Variants in SPATA7 observed in about 807,000 individuals in gnomAD.
The protein encoded by SPATA7 is spermatogenesis-associated protein 7.
In SPATA7, 43 loss-of-function variants were observed where a neutral mutation model predicts 51.8. The observed-to-expected ratio is 0.83, with a 90% CI of 0.65 to 1.07. SPATA7 has a LOEUF of 1.07. SPATA7 is among the 50% of genes least tolerant of loss of function. The pLI is 0.00. For missense variants in SPATA7, 683 were observed against 701.3 expected (o/e 0.97, Z 0.30); for synonymous variants, 230 against 252.8 (o/e 0.91, Z 0.86).
chr14:88,442,228 C>T (rs1195150755), downstream of SPATA7, among the ~76,000 whole-genome samples: 1 of 152,014 alleles, frequency 6.6e-6, no homozygotes, highest in Non-Finnish European at 1.5e-5. Flanking sequence ...CTCACTCTGT[C>T]ACCCAGGCTG....
At chr14:88,421,325 G>A (rs1399465581) in intron 5 of SPATA7, among the ~76,000 whole-genome samples, 1 of 152,058 alleles carries the variant, frequency 6.6e-6, no homozygotes, top group Non-Finnish European at 1.5e-5. Flanking sequence ...TCTCAAGCAT[G>A]ATCTCTTAAG....
rs765880331 is a variant in SPATA7 at position 88,469,079 on chromosome 14, G to A, written c.255-768G>A. 6.2e-7 allele frequency: 1 copy of A among 1,604,076 alleles called. No homozygotes were observed. The highest frequency in any genetic ancestry group is 1.7e-5 in the Admixed American group (1 of 59,214). ...AGACTGGATCTCTTCAAGATATGCT[G>A]TGGAAAATCAATGAAATAGAAAAGT... On this transcript the variant is annotated intron_variant, in intron 4 of 4. Transcript: ENST00000556406. This position sits in a 1 kb window ranked among gnomAD's most constrained non-coding sequence, Gnocchi z 4.3.
chr14:88,419,627 C>T (rs929338308), intron 5 of SPATA7, among the ~76,000 whole-genome samples: 2 of 151,040 alleles, frequency 1.3e-5, no homozygotes, highest in African/African-American at 2.4e-5. Context: ...CCCGGGTTCA[C>T]GCCATTCTCC....
At chr14:88,433,827 A>G (rs146532071) in intron 10 of SPATA7, among the ~76,000 whole-genome samples, 278 of 152,320 alleles carry the variant, frequency 1.8e-3, no homozygotes, top group African/African-American at 6.7e-3. Flanking sequence ...TATGCCAAGC[A>G]TAGACATTTT....
chr14:88,429,330 T>A lies in SPATA7; in HGVS notation c.913-18T>A. ...TATTTTTAAGCAAAAATAAATATTT[T>A]TTTTATTGCATCCCCAGGCATCTAA... On this transcript the variant is annotated intron_variant, in intron 7 of 11. Coordinates refer to ENST00000393545, the MANE Select transcript of SPATA7 (RefSeq NM_018418.5). 1 of 1,483,954 alleles carries A rather than the reference T, an allele frequency of 6.7e-7. No individual in the cohort carries two copies. The highest frequency in any genetic ancestry group is 9.4e-7 in the Non-Finnish European group (1 of 1,062,554). The allele number at this position is 1,483,954 out of a possible 1,614,324, so 91.9% of individuals were successfully genotyped here.
chr14:88,461,538 G>A (rs909421676), intron 4 of SPATA7, among the ~76,000 whole-genome samples: 6 of 152,176 alleles, frequency 3.9e-5, no homozygotes, highest in East Asian at 1.9e-4. Flanking sequence ...CTGGTGTGCC[G>A]TTTGCTAAGA....
At chr14:88,407,323 A>T (rs565603404) in intron 4 of SPATA7, among the ~76,000 whole-genome samples, 43 of 152,204 alleles carry the variant, frequency 2.8e-4, no homozygotes, top group Non-Finnish European at 5.4e-4. Flanking sequence ...CTGGCATGAG[A>T]TGGTATCTCA....
At chr14:88,450,202 G>A (rs987070859) in intron 3 of SPATA7, among the ~76,000 whole-genome samples, 2 of 151,846 alleles carry the variant, frequency 1.3e-5, no homozygotes, top group African/African-American at 2.4e-5. Flanking sequence ...GTGTCAGGTG[G>A]GTCTCTTGAA....
chr14:88,436,592 A>AT (rs1425975275), intron 10 of SPATA7, among the ~76,000 whole-genome samples: 1 of 152,000 alleles, frequency 6.6e-6, no homozygotes, highest in African/African-American at 2.4e-5. Context: ...TTTTGATTTG[A>AT]TTTTTGTATG....
At chr14:88,465,563 C>T (rs1033059080) in intron 4 of SPATA7, among the ~76,000 whole-genome samples, 52 of 152,182 alleles carry the variant, frequency 3.4e-4, no homozygotes, top group African/African-American at 1.2e-3. Context: ...AAAACTGATA[C>T]CAGAGATACC....
In SPATA7 at chr14:88,401,964, C is replaced by G. The variant is rs570033576; in HGVS notation, c.238+5761C>G. ...ATAAATTCAATATAGTTTTAGGATA[C>G]AAAATTAATGTACAAAAACCAGTGG... On this transcript the variant is annotated intron_variant, in intron 4 of 11. Coordinates refer to ENST00000393545, the MANE Select transcript of SPATA7 (RefSeq NM_018418.5). Among the ~76,000 whole-genome samples, 339 of 147,656 alleles carry G rather than the reference C, an allele frequency of 2.3e-3. 2 individuals carry two copies. Among genetic ancestry groups the G allele is most frequent in the African/African-American group, 8.0e-3 (319 of 39,934 alleles).
intron 3 of SPATA7, among the ~76,000 whole-genome samples, chr14:88,453,393 T>A (rs1203436477): frequency 3.3e-5 from 5 of 152,168 alleles, no homozygotes; most frequent in Non-Finnish European, 5.9e-5. Context: ...ATTAACATCA[T>A]CATTAGAAGG....
downstream of SPATA7, among the ~76,000 whole-genome samples, chr14:88,441,458 C>T (rs1034446553): frequency 1.9e-4 from 29 of 152,156 alleles, no homozygotes; most frequent in Admixed American, 1.3e-4. Context: ...AGTATACATT[C>T]CCACTAACAG....
chr14:88,431,231 A>T lies in SPATA7; in HGVS notation c.1082+6A>T. On this transcript the variant is annotated splice_donor_region_variant and intron_variant, in intron 9 of 11. Coordinates refer to ENST00000393545, the MANE Select transcript of SPATA7 (RefSeq NM_018418.5). ...ACTCGTAAAATCTACTCTGAGTAAGATCTTTTTTAAGTCTTCGTTTTGCAT... is the reference window on the plus strand; with the variant it reads ...ACTCGTAAAATCTACTCTGAGTAAGTTCTTTTTTAAGTCTTCGTTTTGCAT... 2 of 1,612,292 alleles carry T rather than the reference A, an allele frequency of 1.2e-6. No individual in the cohort carries two copies. The highest frequency in any genetic ancestry group is 1.7e-6 in the Non-Finnish European group (2 of 1,178,480).
At position 88,443,704 on chromosome 14, in the gene SPATA7, A is replaced by G. The variant is rs569891394; in HGVS notation, c.177+5801A>G. Reference sequence around the variant, plus strand: ...TGTGTCCATGTGTTCTCATTGTTCAATTCCCACCTATGAGTGAGAACATGT... The same window carrying G: ...TGTGTCCATGTGTTCTCATTGTTCAGTTCCCACCTATGAGTGAGAACATGT... On this transcript the variant is annotated intron_variant, in intron 3 of 3. Transcript: ENST00000554802. 2.0e-5 allele frequency among the ~76,000 whole-genome samples: 3 copies of G among 148,422 alleles called. No individual in the cohort carries two copies. The Admixed American group carries it at 2.1e-4, about 10-fold the overall frequency.
chr14:88,452,964 T>G (rs1032373610), intron 3 of SPATA7, among the ~76,000 whole-genome samples: 6 of 152,212 alleles, frequency 3.9e-5, no homozygotes, highest in Non-Finnish European at 7.3e-5. Flanking sequence ...TTCCTCTCTT[T>G]GGCACCCTGG....
At chr14:88,450,180 G>T (rs550134443) in intron 3 of SPATA7, among the ~76,000 whole-genome samples, 10 of 151,980 alleles carry the variant, frequency 6.6e-5, no homozygotes, top group Non-Finnish European at 1.2e-4. Context: ...CTAAGTTTAT[G>T]TGAGTCTTTA....
chr14:88,411,289 G>A (rs371997197), intron 4 of SPATA7, among the ~76,000 whole-genome samples: 14 of 152,168 alleles, frequency 9.2e-5, no homozygotes, highest in Non-Finnish European at 1.8e-4. Context: ...CACGCCAGTG[G>A]ATCTTAGCTA....
intron 5 of SPATA7, among the ~76,000 whole-genome samples, chr14:88,422,349 T>C (rs1286580199): frequency 6.6e-6 from 1 of 152,162 alleles, no homozygotes; most frequent in Non-Finnish European, 1.5e-5. Flanking sequence ...TTAGAATAAA[T>C]CTGTTATCTG....
Sources: gnomAD v4.1 joint callset for allele counts (sites outside exome capture counted in the v4.1 genomes callset) on GRCh38, gnomAD v4.1.1 for gene constraint, Gnocchi (gnomAD v3.1) non-coding constraint, MANE v1.5 for transcripts, NCBI Gene and HGNC (gene_info 2026-07-23, HGNC 2026-07-21) for gene names.